PIEZO2: variants seen among roughly 807,000 people sequenced by gnomAD.
The protein encoded by PIEZO2 is piezo-type mechanosensitive ion channel component 2.
In PIEZO2, 172 loss-of-function variants were observed where a neutral mutation model predicts 337.3. The observed-to-expected ratio is 0.51, with a 90% confidence interval of 0.45 to 0.58. The LOEUF is 0.58. Ranked by LOEUF, PIEZO2 falls within the 20% of genes least tolerant of loss-of-function variation. The pLI is 0.00. For synonymous variants in PIEZO2, 1,251 were observed against 1,228.5 expected (o/e 1.02, Z -0.38); for missense variants, 3,028 against 3,391.3 (o/e 0.89, Z 2.66).
In PIEZO2 at chr18:10,716,148, A is replaced by G. The variant is rs2036003266; in HGVS notation, c.5090-332T>C. Among the ~76,000 whole-genome samples the G allele has an allele frequency of 6.6e-6, 1 of 152,096 alleles. No individual in the cohort carries two copies. The highest frequency in any genetic ancestry group is 1.5e-5 in the Non-Finnish European group (1 of 68,014). The stretch of plus-strand genomic sequence containing the variant: ...CTCTACGCGTGGATTGTTTTCAGTA[A>G]AAGTTACTCCAAATGTGCCTGCCTC... On this transcript the variant is annotated intron_variant, in intron 37 of 55. Coordinates refer to ENST00000674853, the MANE Select transcript of PIEZO2 (RefSeq NM_001378183.1). This position sits in a 1 kb window ranked among gnomAD's most constrained non-coding sequence, Gnocchi z 4.1.
chr18:10,737,406 A>G (rs2037051925), intron 33 of PIEZO2, among the ~76,000 whole-genome samples: 1 of 152,208 alleles, frequency 6.6e-6, no homozygotes, highest in Non-Finnish European at 1.5e-5. Flanking sequence ...CACCAACAAC[A>G]GCGCTCTGGC....
In PIEZO2 at chr18:10,784,144, A is replaced by C. The variant is rs1316622864; in HGVS notation, c.2492+640T>G. ...TCCCCGTGATGGAACACAGTGAAGG[A>C]TTTGTGATAACCCATTGTGGTTTGA... On this transcript the variant is annotated intron_variant, in intron 17 of 55. Transcript: ENST00000674853. The surrounding 1 kb of genome is among the most constrained non-coding windows in gnomAD (Gnocchi z 4.5). Among the ~76,000 whole-genome samples the C allele has an allele frequency of 6.6e-6, 1 of 152,226 alleles. No homozygotes were observed. The highest frequency in any genetic ancestry group is 6.5e-5 in the Admixed American group (1 of 15,274).
chr18:10,926,460 G>GCAGATTGAA (rs1479130371), intron 3 of PIEZO2, among the ~76,000 whole-genome samples: 1 of 152,124 alleles, frequency 6.6e-6, no homozygotes, highest in Non-Finnish European at 1.5e-5. Flanking sequence ...GTTCAATCAG[G>GCAGATTGAA]CAGATGAAAC....
At position 10,690,043 on chromosome 18, in the gene PIEZO2, T is replaced by G. The variant is rs77323182; in HGVS notation, c.7350-241A>C. On this transcript the variant is annotated intron_variant, in intron 48 of 55. Coordinates refer to ENST00000674853, the MANE Select transcript of PIEZO2 (RefSeq NM_001378183.1). ...CTGATGATCATAACCAACTGGGATC[T>G]CCCTTTTAAATAAGTGTGAAGGTGT... Among the ~76,000 whole-genome samples, 319 of 152,352 alleles carry G rather than the reference T, an allele frequency of 2.1e-3. 4 individuals carry two copies. The highest frequency in any genetic ancestry group is 6.8e-3 in the African/African-American group (283 of 41,572).
intron 27 of PIEZO2, among the ~76,000 whole-genome samples, chr18:10,753,469 G>C (rs1373409385): frequency 6.6e-6 from 1 of 152,192 alleles, no homozygotes; most frequent in Non-Finnish European, 1.5e-5. Flanking sequence ...CCTCATGGAA[G>C]GTGAGGCCAG....
rs149203292 is a variant in PIEZO2, at chr18:10,711,118, A to G, written c.5424-2679T>C. On this transcript the variant is annotated intron_variant, in intron 39 of 55. Transcript: ENST00000674853. ...AATATCTCTTAACTCACAATTTTTT[A>G]TCATGAGTGTGGTTTCCTATTTGCA... Among the ~76,000 whole-genome samples, 746 of 152,334 alleles carry G rather than the reference A, an allele frequency of 4.9e-3. 5 individuals carry two copies. The highest frequency in any genetic ancestry group is 0.017 in the African/African-American group (705 of 41,574).
At chr18:10,933,952 G>C (rs1370748431) in intron 3 of PIEZO2, among the ~76,000 whole-genome samples, 2 of 152,176 alleles carry the variant, frequency 1.3e-5, no homozygotes, top group Non-Finnish European at 2.9e-5. Flanking sequence ...TGATTGTGAG[G>C]CATCCCCAGC....
chr18:10,791,410 T>C (rs2039406850), intron 13 of PIEZO2, 86 bp from the exon 14 acceptor site: 18 of 1,344,246 alleles, frequency 1.3e-5, no homozygotes, highest in Non-Finnish European at 1.5e-5. Flanking sequence ...TTCTCCGCAT[T>C]CCAGTGGGAG....
At chr18:10,725,032 A>C in intron 36 of PIEZO2, 1 of 1,582,862 alleles carries the variant, frequency 6.3e-7, no homozygotes, top group Non-Finnish European at 8.7e-7. Flanking sequence ...GAGCCCCTGC[A>C]TGTTGGTGGC....
rs2040338841 is a variant in PIEZO2, at chr18:11,131,479, G to C, written c.64+17046C>G. Among the ~76,000 whole-genome samples, 1 of 152,192 alleles carries C rather than the reference G, an allele frequency of 6.6e-6. No individual in the cohort carries two copies. The highest frequency in any genetic ancestry group is 2.4e-5 in the African/African-American group (1 of 41,442). On this transcript the variant is annotated intron_variant, in intron 1 of 55. Coordinates refer to ENST00000674853, the MANE Select transcript of PIEZO2 (RefSeq NM_001378183.1). This position sits in a 1 kb window ranked among gnomAD's most constrained non-coding sequence, Gnocchi z 5.3. Reference sequence around the variant, plus strand: ...CACAGATAGTTCTGCACGATATGTAGGCACCATGTGAACATGGACAGCTGC... The same window carrying C: ...CACAGATAGTTCTGCACGATATGTACGCACCATGTGAACATGGACAGCTGC...
intron 3 of PIEZO2, among the ~76,000 whole-genome samples, chr18:10,977,967 G>A (rs2034510000): frequency 6.6e-6 from 1 of 152,154 alleles, no homozygotes; most frequent in Non-Finnish European, 1.5e-5. Flanking sequence ...CTTTGGGGGT[G>A]ATGATAGTGC....
chr18:11,099,293 T>G lies in PIEZO2; in HGVS notation c.65-33071A>C, dbSNP rs2039345335. ...CATAAAGTATGCATATTTTAAATTT[T>G]GATAGACAATATCAAACTTGTCTCC... is the stretch of plus-strand genomic sequence containing the variant. On this transcript the variant is annotated intron_variant, in intron 1 of 55. Transcript: ENST00000674853. This position sits in a 1 kb window ranked among gnomAD's most constrained non-coding sequence, Gnocchi z 5.4. Among the ~76,000 whole-genome samples the G allele has an allele frequency of 6.6e-6, 1 of 152,226 alleles. No individual in the cohort carries two copies. Among genetic ancestry groups the G allele is most frequent in the South Asian group, 2.1e-4 (1 of 4,834 alleles).
intron 2 of PIEZO2, among the ~76,000 whole-genome samples, chr18:11,026,099 C>A (rs1490682447): frequency 6.6e-6 from 1 of 152,158 alleles, no homozygotes; most frequent in Non-Finnish European, 1.5e-5. Flanking sequence ...TGCCGGTTTG[C>A]CAGGGCAGGC....
rs866826384 is a variant in PIEZO2 at position 11,096,284 on chromosome 18, C to T, written c.65-30062G>A. On this transcript the variant is annotated intron_variant, in intron 1 of 55. Coordinates refer to ENST00000674853, the MANE Select transcript of PIEZO2 (RefSeq NM_001378183.1). This position sits in a 1 kb window ranked among gnomAD's most constrained non-coding sequence, Gnocchi z 4.6. ...ACCCAATGGAACCTGCTGGCCCAAG[C>T]ATTAGGGGCCATGTCCTGCTACCAA... Among the ~76,000 whole-genome samples the T allele has an allele frequency of 2.0e-5, 3 of 152,260 alleles. No homozygotes were observed. Among genetic ancestry groups the T allele is most frequent in the African/African-American group, 7.2e-5 (3 of 41,468 alleles).
At chr18:10,769,207 G>T (rs2038490514) in intron 21 of PIEZO2, among the ~76,000 whole-genome samples, 1 of 152,084 alleles carries the variant, frequency 6.6e-6, no homozygotes, top group Non-Finnish European at 1.5e-5. Context: ...GCTAGATTTG[G>T]GCTCCATTTA....
Position 10,833,371 on chromosome 18 carries a change from G to A in PIEZO2, c.917+21982C>T, listed in dbSNP as rs1478807906. Reference sequence around the variant, plus strand: ...AGCCCACTGTGACACCTGCAGCCTCGCCCTCTCCTGTTGGAATCATGTGGG... The same window carrying A: ...AGCCCACTGTGACACCTGCAGCCTCACCCTCTCCTGTTGGAATCATGTGGG... On this transcript the variant is annotated intron_variant, in intron 7 of 55. Coordinates refer to ENST00000674853, the MANE Select transcript of PIEZO2 (RefSeq NM_001378183.1). The surrounding 1 kb of genome is among the most constrained non-coding windows in gnomAD (Gnocchi z 4.7). Among the ~76,000 whole-genome samples, 1 of 152,036 alleles carries A rather than the reference G, an allele frequency of 6.6e-6. No homozygotes were observed. The highest frequency in any genetic ancestry group is 2.4e-5 in the African/African-American group (1 of 41,368).
chr18:10,925,076 G>A (rs897786928), intron 3 of PIEZO2, among the ~76,000 whole-genome samples: 6 of 151,906 alleles, frequency 3.9e-5, no homozygotes, highest in African/African-American at 1.5e-4. Context: ...TTATATGGAG[G>A]GCCTGGTGGT....
At chr18:10,926,378 T>C (rs2031741597) in intron 3 of PIEZO2, among the ~76,000 whole-genome samples, 1 of 152,202 alleles carries the variant, frequency 6.6e-6, no homozygotes, top group African/African-American at 2.4e-5. Context: ...ATTATCTGGT[T>C]ATTACAAATT....
chr18:11,042,849 G>A lies in PIEZO2; in HGVS notation c.160+23278C>T, dbSNP rs562533389. Among the ~76,000 whole-genome samples the A allele has an allele frequency of 3.3e-5, 5 of 152,164 alleles. No individual in the cohort carries two copies. The East Asian group carries it at 9.6e-4, about 29-fold the overall frequency. On this transcript the variant is annotated intron_variant, in intron 2 of 55. Transcript: ENST00000674853. ...AACTCAAGCTAATAAAATAATTCAG[G>A]GATGCTAATCAACCTTCCAAGTTGA...
Sources: gnomAD v4.1 joint callset for allele counts (sites outside exome capture counted in the v4.1 genomes callset) on GRCh38, gnomAD v4.1.1 for gene constraint, Gnocchi (gnomAD v3.1) non-coding constraint, MANE v1.5 for transcripts, NCBI Gene and HGNC (gene_info 2026-07-23, HGNC 2026-07-21) for gene names.